The following CCSER1 variants were observed in gnomAD, a reference collection of about 807,000 sequenced individuals.
The protein encoded by CCSER1 is serine-rich coiled-coil domain-containing protein 1.
CCSER1 carries 41 observed loss-of-function variants against 82.0 expected under a neutral mutation model. That is an observed-to-expected ratio of 0.50 (90% CI 0.39 to 0.65). The LOEUF (loss-of-function observed/expected upper bound fraction) is 0.65. Ranked by LOEUF, CCSER1 falls within the 30% of genes least tolerant of loss-of-function variation. The pLI is 0.00. For missense variants in CCSER1, 1,119 were observed against 1,064.2 expected, an observed-to-expected ratio of 1.05 and a Z score of -0.72; for synonymous variants, 414 against 383.9, an observed-to-expected ratio of 1.08 and a Z score of -0.92.
At chr4:91,252,786 A>G (rs971834645) in intron 10 of CCSER1, among the ~76,000 whole-genome samples, 8 of 152,162 alleles carry the variant, frequency 5.3e-5, no homozygotes, top group African/African-American at 1.9e-4. Flanking sequence ...ATGTATACAA[A>G]AAAGGAAATG....
chr4:90,939,932 T>C (rs1731395878), intron 9 of CCSER1, among the ~76,000 whole-genome samples: 1 of 152,106 alleles, frequency 6.6e-6, no homozygotes, highest in Non-Finnish European at 1.5e-5. Flanking sequence ...TCTTATCTCT[T>C]TCTTTTTATT....
chr4:90,857,232 G>A (rs1476667465), intron 8 of CCSER1, among the ~76,000 whole-genome samples: 1 of 152,078 alleles, frequency 6.6e-6, no homozygotes, highest in Non-Finnish European at 1.5e-5. Context: ...CTGGCCTGCA[G>A]TTGTCTCAGG....
intron 10 of CCSER1, among the ~76,000 whole-genome samples, chr4:91,465,159 C>T (rs568524005): frequency 2.2e-4 from 34 of 152,324 alleles, no homozygotes; most frequent in African/African-American, 5.5e-4. Context: ...AACTGTCTCT[C>T]AGATGACAGT....
intron 10 of CCSER1, among the ~76,000 whole-genome samples, chr4:91,165,352 A>C (rs1047215442): frequency 1.1e-4 from 16 of 152,136 alleles, no homozygotes; most frequent in African/African-American, 3.9e-4. Context: ...GCCTGCCTGT[A>C]TCAGGTGTCA....
intron 1 of CCSER1, among the ~76,000 whole-genome samples, chr4:90,266,343 T>G (rs1725221355): frequency 6.6e-6 from 1 of 152,156 alleles, no homozygotes; most frequent in Admixed American, 6.5e-5. Flanking sequence ...GTTTTCTCTG[T>G]ATTGTATGTA....
At chr4:91,478,920 C>T (rs1578568422) in intron 10 of CCSER1, among the ~76,000 whole-genome samples, 1 of 151,808 alleles carries the variant, frequency 6.6e-6, no homozygotes, top group East Asian at 1.9e-4. Flanking sequence ...GTTATATAAA[C>T]TGTTACTAGT....
chr4:91,527,248 A>G (rs1304596948), intron 10 of CCSER1, among the ~76,000 whole-genome samples: 1 of 152,192 alleles, frequency 6.6e-6, no homozygotes, highest in Non-Finnish European at 1.5e-5. Flanking sequence ...AGGGAAATAT[A>G]TTGAACATGT....
chr4:90,992,742 C>T (rs541644325), intron 9 of CCSER1, among the ~76,000 whole-genome samples: 3 of 151,962 alleles, frequency 2.0e-5, no homozygotes, highest in African/African-American at 7.2e-5. Flanking sequence ...CTCCCAGAGG[C>T]CCCTTGCAAT....
At chr4:90,794,263 C>T (rs1024434197) in intron 7 of CCSER1, among the ~76,000 whole-genome samples, 5 of 152,166 alleles carry the variant, frequency 3.3e-5, no homozygotes, top group Admixed American at 6.5e-5. Context: ...ATGGTATTGC[C>T]TAAGTTGTCT....
At chr4:91,253,159 C>G (rs999806826) in intron 10 of CCSER1, among the ~76,000 whole-genome samples, 1 of 152,124 alleles carries the variant, frequency 6.6e-6, no homozygotes, top group East Asian at 1.9e-4. Context: ...TCTCCTCCTG[C>G]TCAGCCTACT....
intron 9 of CCSER1, among the ~76,000 whole-genome samples, chr4:90,947,859 T>C (rs1411938598): frequency 6.6e-6 from 1 of 152,146 alleles, no homozygotes; most frequent in African/African-American, 2.4e-5. Flanking sequence ...CAGAAATAGA[T>C]AATTTGCATC....
At chr4:91,355,536 G>A (rs1474352846) in intron 10 of CCSER1, among the ~76,000 whole-genome samples, 1 of 152,072 alleles carries the variant, frequency 6.6e-6, no homozygotes, top group Non-Finnish European at 1.5e-5. Context: ...TAAAATAATA[G>A]GACTGTAGCA....
chr4:90,391,600 G>C (rs79241972), intron 3 of CCSER1, among the ~76,000 whole-genome samples: 2,750 of 148,280 alleles, frequency 0.019, 49 homozygotes, highest in African/African-American at 0.04. Context: ...ATTTTAACTA[G>C]AGTGAGATCG....
At chr4:90,613,616 T>G (rs1007017976) in intron 5 of CCSER1, among the ~76,000 whole-genome samples, 14 of 152,146 alleles carry the variant, frequency 9.2e-5, no homozygotes, top group African/African-American at 3.4e-4. Flanking sequence ...TTACTTTGCC[T>G]AAATTCATCA....
At chr4:90,366,683 C>G (rs1378546164) in intron 3 of CCSER1, among the ~76,000 whole-genome samples, 1 of 151,750 alleles carries the variant, frequency 6.6e-6, no homozygotes, top group Non-Finnish European at 1.5e-5. Flanking sequence ...ATTTTAAACA[C>G]AACATTTGAG....
intron 10 of CCSER1, among the ~76,000 whole-genome samples, chr4:91,372,204 CTTCTT>C (rs1222333358): frequency 6.6e-6 from 1 of 152,078 alleles, no homozygotes; most frequent in Non-Finnish European, 1.5e-5. Context: ...CAAGCTTGAA[CTTCTT>C]TTCTTGTCAC....
intron 5 of CCSER1, among the ~76,000 whole-genome samples, chr4:90,498,372 C>T (rs1769345229): frequency 6.6e-6 from 1 of 152,086 alleles, no homozygotes; most frequent in Non-Finnish European, 1.5e-5. Flanking sequence ...ATTGACTGCG[C>T]AGAACTGAAA....
chr4:91,216,403 T>G (rs1737243515), intron 10 of CCSER1, among the ~76,000 whole-genome samples: 1 of 152,172 alleles, frequency 6.6e-6, no homozygotes, highest in African/African-American at 2.4e-5. Context: ...CACTGCAAGC[T>G]CTGCCTCCTG....
chr4:90,613,698 T>G (rs1720675025), intron 5 of CCSER1, among the ~76,000 whole-genome samples: 2 of 152,112 alleles, frequency 1.3e-5, no homozygotes, highest in Admixed American at 1.3e-4. Flanking sequence ...CAAGACTGCA[T>G]GCAATCATGG....
Sources: gnomAD v4.1 joint callset for allele counts (sites outside exome capture counted in the v4.1 genomes callset) on GRCh38, gnomAD v4.1.1 for gene constraint, MANE v1.5 for transcripts, NCBI Gene and HGNC (gene_info 2026-07-23, HGNC 2026-07-21) for gene names.